Variants in ZNF219 observed in about 807,000 individuals in gnomAD.
ZNF219 encodes the protein zinc finger protein 219.
ZNF219 carries 17 observed loss-of-function variants against 54.4 expected under a neutral mutation model. The observed-to-expected ratio is 0.31, with a 90% CI of 0.21 to 0.47. ZNF219 has a LOEUF of 0.47. ZNF219 is among the 20% of genes least tolerant of loss of function. The pLI is 1.00. For missense variants in ZNF219, 1,014 were observed against 1,062.3 expected, an observed-to-expected ratio of 0.95 and a Z score of 0.63; for synonymous variants, 518 against 476.4, an observed-to-expected ratio of 1.09 and a Z score of -1.14.
chr14:21,098,339 G>T lies in ZNF219; in HGVS notation c.-111C>A. The T allele has an allele frequency of 4.9e-6, 1 of 205,380 alleles. No homozygotes were observed. Among genetic ancestry groups the T allele is most frequent in the South Asian group, 1.6e-4 (1 of 6,426 alleles). 12.7% of individuals were successfully genotyped at this position (205,380 alleles called of 1,614,324 possible). On this transcript the variant is annotated 5_prime_UTR_variant, in exon 1 of 5. Coordinates refer to ENST00000360947, the MANE Select transcript of ZNF219 (RefSeq NM_016423.3). ...GCCCCGGGCGGGCGGCGGCGGAGCG[G>T]GCGGCGGCGGCGGCGGCGGCGGCGG...
Position 21,098,604 on chromosome 14 carries a change from C to T in ZNF219, c.-376G>A, listed in dbSNP as rs1213503367. 2.0e-6 allele frequency: 2 copies of T among 1,018,182 alleles called. No individual in the cohort carries two copies. The highest frequency in any genetic ancestry group is 3.5e-5 in the African/African-American group (2 of 56,898). The allele number at this position is 1,018,182 out of a possible 1,614,324, so 63.1% of individuals were successfully genotyped here. Reference sequence around the variant, plus strand: ...TCCGGGGACAGGGAGCTGGGGACCCCGGGAGCCGCGAGAGGCGGCCGCCAG... The same window carrying T: ...TCCGGGGACAGGGAGCTGGGGACCCTGGGAGCCGCGAGAGGCGGCCGCCAG... On this transcript the variant is annotated 5_prime_UTR_variant, in exon 1 of 5. Coordinates refer to ENST00000360947, the MANE Select transcript of ZNF219 (RefSeq NM_016423.3).
intron 1 of ZNF219, 115 bp from the exon 2 acceptor site, chr14:21,093,789 T>C (rs768540658): frequency 7.4e-5 from 73 of 983,224 alleles, no homozygotes; most frequent in Non-Finnish European, 1.1e-4. Context: ...CCATTCTCCC[T>C]ACTTGCTTCT....
upstream of ZNF219, chr14:21,103,085 G>C (rs1889749565): frequency 6.4e-7 from 1 of 1,550,944 alleles, no homozygotes; most frequent in South Asian, 1.2e-5. Flanking sequence ...TTTCTGTCTG[G>C]GGTTTCTCCT....
intron 1 of ZNF219, among the ~76,000 whole-genome samples, chr14:21,098,014 C>T (rs907368554): frequency 1.3e-5 from 2 of 151,520 alleles, no homozygotes; most frequent in Non-Finnish European, 3.0e-5. Flanking sequence ...GCCACATCCC[C>T]CCCGTTGGCC....
chr14:21,101,354 G>T (rs1566557184), upstream of ZNF219: 1 of 1,551,608 alleles, frequency 6.4e-7, no homozygotes, highest in South Asian at 1.2e-5. Flanking sequence ...ATGGAAGATA[G>T]AGCTGGTGAG....
At chr14:21,101,135 C>A, upstream of ZNF219, 1 of 474,684 alleles carries the variant, frequency 2.1e-6, no homozygotes, top group South Asian at 2.1e-5. Context: ...CCTTAGGAGA[C>A]CTAGGACCCA....
Position 21,093,189 on chromosome 14 carries a change from G to A in ZNF219, c.108C>T (p.Ser36=), listed in dbSNP as rs556198955. The change falls in exon 3 of 5, where the codon AGC becomes AGT. Residue 36 remains serine (S), a synonymous_variant. Coordinates refer to ENST00000360947, the MANE Select transcript of ZNF219 (RefSeq NM_016423.3). ...LQRYSNGPAV[S]AGSLGMGAVS... ...CCGCTCCCATCCCGAGCGACCCTGC[G>A]CTCACGGCTGGCCCGTTGGAGTATC... 9 of 1,608,592 alleles carry A rather than the reference G, an allele frequency of 5.6e-6. No homozygotes were observed. Among genetic ancestry groups the A allele is most frequent in the African/African-American group, 1.3e-5 (1 of 74,916 alleles).
In ZNF219 at chr14:21,091,892, C is replaced by T. The variant is rs756931197; in HGVS notation, c.1405G>A (p.Ala469Thr). The T allele has an allele frequency of 1.3e-6, 2 of 1,578,806 alleles. No individual in the cohort carries two copies. The highest frequency in any genetic ancestry group is 1.7e-6 in the Non-Finnish European group (2 of 1,165,826). ...GPGHSASAAG[A>T]QARSTATQEE... ...TGCGTGGCGGTCGATCTTGCCTGGG[C>T]CCCAGCAGCAGAGGCAGAGTGCCCC... is the stretch of plus-strand genomic sequence containing the variant. The change falls in exon 3 of 5, where the codon GCC becomes ACC. Residue 469 changes from alanine to threonine, a missense_variant. This residue lies in a region of ZNF219 where 272 missense variants were observed against 248.9 expected (regional missense o/e 1.09). Coordinates refer to ENST00000360947, the MANE Select transcript of ZNF219 (RefSeq NM_016423.3).
At position 21,090,509 on chromosome 14, in the gene ZNF219, A is replaced by T; in HGVS notation, c.*27T>A. ...TCCCCCGCTCCGGCGGGGTAAGCTC[A>T]CTAAGCTAATCGCCCCTGAGGGCCC... is the stretch of plus-strand genomic sequence containing the variant. On this transcript the variant is annotated 3_prime_UTR_variant, in exon 5 of 5. Coordinates refer to ENST00000360947, the MANE Select transcript of ZNF219 (RefSeq NM_016423.3). The surrounding 1 kb of genome is among the most constrained non-coding windows in gnomAD (Gnocchi z 4.4). 12 of 1,565,526 alleles carry T rather than the reference A, an allele frequency of 7.7e-6. No homozygotes were observed. The highest frequency in any genetic ancestry group is 9.5e-6 in the Non-Finnish European group (11 of 1,153,298).
Position 21,092,274 on chromosome 14 carries a change from G to A in ZNF219, c.1023C>T (p.Ala341=), listed in dbSNP as rs888765056. ...LRAPGPASGP[A]RAPQPPDLGL... The stretch of plus-strand genomic sequence containing the variant: ...CGAGGTCAGGAGGCTGGGGGGCGCG[G>A]GCAGGCCCGGAGGCAGGCCCCGGGG... Residue 341 remains alanine (A), a synonymous_variant, in exon 3 of 5, where the codon GCC becomes GCT. Transcript: ENST00000360947. 3 of 1,488,368 alleles carry A rather than the reference G, an allele frequency of 2.0e-6. No individual in the cohort carries two copies. Among genetic ancestry groups the A allele is most frequent in the Non-Finnish European group, 2.7e-6 (3 of 1,121,582 alleles). 92.2% of individuals were successfully genotyped at this position (1,488,368 alleles called of 1,614,324 possible).
At chr14:21,094,483 T>C in intron 1 of ZNF219, 1 of 450,554 alleles carries the variant, frequency 2.2e-6, no homozygotes, top group Non-Finnish European at 4.5e-6. Context: ...CGAGGCAGGC[T>C]TTCCTCCTCT....
intron 1 of ZNF219, among the ~76,000 whole-genome samples, chr14:21,095,957 G>A (rs1889258723): frequency 6.8e-6 from 1 of 146,056 alleles, no homozygotes; most frequent in Non-Finnish European, 1.5e-5. Flanking sequence ...ATCACATTCT[G>A]TTGCTCTCCT....
upstream of ZNF219, chr14:21,102,246 A>C: frequency 7.1e-7 from 1 of 1,410,168 alleles, no homozygotes; most frequent in Non-Finnish European, 9.6e-7. Context: ...GACTGGCCTC[A>C]ATCACTGAGG....
At position 21,091,982 on chromosome 14, in the gene ZNF219, T is replaced by A; in HGVS notation, c.1315A>T (p.Thr439Ser). 6.4e-7 allele frequency: 1 copy of A among 1,567,924 alleles called. No homozygotes were observed. Among genetic ancestry groups the A allele is most frequent in the Non-Finnish European group, 8.6e-7 (1 of 1,156,880 alleles). Residue 439 changes from threonine to serine, a missense_variant, in exon 3 of 5, where the codon ACC (threonine) becomes TCC (serine). Physicochemically the swap from Thr to Ser is moderately conservative, Grantham distance 58. Around this residue, in one of 5 missense-constraint regions of ZNF219, gnomAD observed 272 missense variants for 248.9 expected, o/e 1.09. Transcript: ENST00000360947. ...EEEVVEAEEE[T>S]WARGRSLGSL... ...CCCAGCGACCTGCCCCGGGCCCAGG[T>A]TTCCTCCTCGGCCTCCACCACCTCC...
chr14:21,096,168 C>T (rs1889268704), intron 1 of ZNF219, among the ~76,000 whole-genome samples: 1 of 152,174 alleles, frequency 6.6e-6, no homozygotes, highest in Non-Finnish European at 1.5e-5. Context: ...AGGAAGCTGG[C>T]CTCATATCTG....
intron 1 of ZNF219, among the ~76,000 whole-genome samples, chr14:21,096,128 C>T (rs1167606250): frequency 6.6e-6 from 1 of 152,208 alleles, no homozygotes; most frequent in Non-Finnish European, 1.5e-5. Flanking sequence ...GCCCCTAAAA[C>T]TGTCTGTAGG....
upstream of ZNF219, among the ~76,000 whole-genome samples, chr14:21,100,285 G>C (rs1256562883): frequency 6.6e-6 from 1 of 152,108 alleles, no homozygotes; most frequent in African/African-American, 2.4e-5. Context: ...ATGATTATTT[G>C]TGCCCAGAAG....
chr14:21,097,644 G>A (rs1285313945), intron 1 of ZNF219, among the ~76,000 whole-genome samples: 1 of 152,116 alleles, frequency 6.6e-6, no homozygotes, highest in African/African-American at 2.4e-5. Context: ...CCCCTCCCCA[G>A]GAAGATAAGC....
At chr14:21,091,722 C>T in intron 3 of ZNF219, 143 bp downstream of exon 3, 1 of 1,441,704 alleles carries the variant, frequency 6.9e-7, no homozygotes, top group Non-Finnish European at 9.1e-7. Context: ...GGCAAAGCCT[C>T]CAGGAAAACA....
Sources: gnomAD v4.1 joint callset for allele counts (sites outside exome capture counted in the v4.1 genomes callset) on GRCh38, gnomAD v4.1.1 for gene constraint, gnomAD v4.1.1 regional missense constraint, Gnocchi (gnomAD v3.1) non-coding constraint, MANE v1.5 for transcripts, NCBI Gene and HGNC (gene_info 2026-07-23, HGNC 2026-07-21) for gene names.